Variants in SLC5A5 observed in about 807,000 individuals in gnomAD.
SLC5A5 encodes the protein sodium/iodide cotransporter.
In SLC5A5, 56 loss-of-function variants were observed where a neutral mutation model predicts 68.6. The ratio of observed to expected loss-of-function variants is 0.82; its 90% CI spans 0.66 to 1.02. The LOEUF (loss-of-function observed/expected upper bound fraction) is 1.02. Among genes scored for constraint, SLC5A5 ranks in the 50% least tolerant of loss-of-function variants. The probability of loss-of-function intolerance (pLI) is 0.00; values close to 1 mark genes in which losing one functional copy is unlikely to be tolerated. For missense variants in SLC5A5, 807 were observed against 859.8 expected (o/e 0.94, Z 0.77); for synonymous variants, 398 against 373.0 (o/e 1.07, Z -0.77).
chr19:17,871,999 G>A lies in SLC5A5; in HGVS notation c.-321G>A. ...CTGTCAGCGCTGAGCACAGCGCCCAGGGAGAGGGACAGACAGCCGGCTGCA... is the reference window on the plus strand; with the variant it reads ...CTGTCAGCGCTGAGCACAGCGCCCAAGGAGAGGGACAGACAGCCGGCTGCA... On this transcript the variant is annotated 5_prime_UTR_variant, in exon 1 of 15. Transcript: ENST00000222248. 3 of 387,450 alleles carry A rather than the reference G, an allele frequency of 7.7e-6. No individual in the cohort carries two copies. The South Asian group carries it at 8.8e-5, about 11-fold the overall frequency. 24.0% of individuals were successfully genotyped at this position (387,450 alleles called of 1,614,324 possible).
chr19:17,882,018 C>T lies in SLC5A5; in HGVS notation c.1117C>T (p.Pro373Ser). Residue 373 changes from proline to serine, a missense_variant, in exon 9 of 15, where the codon CCT (proline) becomes TCT (serine). Transcript: ENST00000222248. Reference sequence around the variant, plus strand: ...AGTCACTGTAGAAGACCTCATCAAACCTCGGCTGCGGAGCCTGGCACCCAG... The same window carrying T: ...AGTCACTGTAGAAGACCTCATCAAATCTCGGCTGCGGAGCCTGGCACCCAG... ...AAVTVEDLIK[P>S]RLRSLAPRKL... The T allele has an allele frequency of 1.2e-6, 2 of 1,614,232 alleles. No individual in the cohort carries two copies. The highest frequency in any genetic ancestry group is 1.7e-6 in the Non-Finnish European group (2 of 1,180,044).
At position 17,872,642 on chromosome 19, in the gene SLC5A5, T is replaced by C; in HGVS notation, c.323T>C (p.Val108Ala). 1 of 1,609,144 alleles carries C rather than the reference T, an allele frequency of 6.2e-7. No homozygotes were observed. The highest frequency in any genetic ancestry group is 8.5e-7 in the Non-Finnish European group (1 of 1,178,276). ...SVLTALLFMPVFYRLGLTSTY... is the reference protein window; with the variant it reads ...SVLTALLFMPAFYRLGLTSTY... ...CTCACCGCCCTGCTCTTCATGCCCG[T>C]CTTCTACCGCCTGGGCCTCACCAGC... The change falls in exon 1 of 15, where the codon GTC becomes GCC. Residue 108 changes from valine to alanine, a missense_variant. Coordinates refer to ENST00000222248, the MANE Select transcript of SLC5A5 (RefSeq NM_000453.3).
Position 17,894,152 on chromosome 19 carries a change from T to TC in SLC5A5, c.*275_*276insC. On this transcript the variant is annotated 3_prime_UTR_variant, in exon 15 of 15. Coordinates refer to ENST00000222248, the MANE Select transcript of SLC5A5 (RefSeq NM_000453.3). The stretch of plus-strand genomic sequence containing the variant: ...GGGTTTTTCTCTCTCTCTTTTTTTT[T>TC]TTTTTTTTTTTTTGAGACAGGGTCA... 6 of 395,708 alleles carry TC rather than the reference T, an allele frequency of 1.5e-5. No homozygotes were observed. The highest frequency in any genetic ancestry group is 1.4e-5 in the Non-Finnish European group (3 of 215,426). The allele number at this position is 395,708 out of a possible 1,614,324, so 24.5% of individuals were successfully genotyped here.
Position 17,894,191 on chromosome 19 carries a change from A to G in SLC5A5, c.*314A>G, listed in dbSNP as rs950741017. The G allele has an allele frequency of 1.3e-5, 4 of 306,216 alleles. No homozygotes were observed. Among genetic ancestry groups the G allele is most frequent in the African/African-American group, 2.8e-5 (1 of 36,056 alleles). The allele number at this position is 306,216 out of a possible 1,614,324, so 19.0% of individuals were successfully genotyped here. A position where few individuals can be genotyped will look rare whatever the true frequency, so the allele number is the denominator to read the frequency against. On this transcript the variant is annotated 3_prime_UTR_variant, in exon 15 of 15. Transcript: ENST00000222248. ...GAGACAGGGTCATGCTCTGTCACCC[A>G]GGCTGGAGTGCAGTGGTGTGATCTC...
chr19:17,884,333 T>C (rs2094328570), intron 12 of SLC5A5, among the ~76,000 whole-genome samples: 1 of 152,142 alleles, frequency 6.6e-6, no homozygotes, highest in African/African-American at 2.4e-5. Flanking sequence ...AGCCTCGCTC[T>C]GTGGTCCAGG....
intron 12 of SLC5A5, among the ~76,000 whole-genome samples, chr19:17,887,997 C>T (rs1423015836): frequency 9.9e-5 from 15 of 152,092 alleles, no homozygotes; most frequent in Admixed American, 9.8e-4. Flanking sequence ...ATTGCAGTCA[C>T]GAAGATTCCC....
chr19:17,878,774 G>A (rs553051519), intron 7 of SLC5A5, among the ~76,000 whole-genome samples: 4 of 151,852 alleles, frequency 2.6e-5, no homozygotes, highest in South Asian at 2.1e-4. Context: ...TTAGAAGTTC[G>A]AAACCAACCT....
At chr19:17,876,644 A>G (rs957282254) in intron 5 of SLC5A5, among the ~76,000 whole-genome samples, 1 of 152,142 alleles carries the variant, frequency 6.6e-6, no homozygotes, top group Non-Finnish European at 1.5e-5. Context: ...ATGGCAGATC[A>G]TGAGGTCAAG....
intron 12 of SLC5A5, 92 bp from the exon 13 acceptor site, chr19:17,888,239 G>A: frequency 6.7e-7 from 1 of 1,502,370 alleles, no homozygotes; most frequent in Non-Finnish European, 9.2e-7. Context: ...ATGGCAGTTG[G>A]GGGAAGGAAG....
chr19:17,884,077 G>A (rs1177536805), intron 12 of SLC5A5, 31 bp downstream of exon 12: 2 of 1,512,962 alleles, frequency 1.3e-6, no homozygotes, highest in East Asian at 2.4e-5. Context: ...GGGGGTACCC[G>A]AGCCCTGGAT....
chr19:17,875,587 A>AG (rs1308126089), intron 4 of SLC5A5, among the ~76,000 whole-genome samples: 1 of 145,012 alleles, frequency 6.9e-6, no homozygotes, highest in South Asian at 2.3e-4. Flanking sequence ...ACATAGTGAG[A>AG]CCCCCCCCCG....
At chr19:17,877,628 TC>T in intron 5 of SLC5A5, 94 bp from the exon 6 acceptor site, 1 of 1,495,062 alleles carries the variant, frequency 6.7e-7, no homozygotes, top group South Asian at 1.2e-5. Flanking sequence ...ACTCCAAATG[TC>T]CCCTATAAGG....
At chr19:17,874,279 AAGACCCCGCCC>A (rs2094301364) in intron 2 of SLC5A5, 76 bp downstream of exon 2, 2 of 1,025,398 alleles carry the variant, frequency 2.0e-6, no homozygotes, top group Non-Finnish European at 1.5e-6. Context: ...CCCACCATTC[AAGACCCCGCCC>A]AGACCCCGCC....
chr19:17,880,521 CT>C (rs2094318245), intron 7 of SLC5A5, among the ~76,000 whole-genome samples: 1 of 152,016 alleles, frequency 6.6e-6, no homozygotes, highest in Non-Finnish European at 1.5e-5. Flanking sequence ...GGCCAGACCC[CT>C]ATCTTTACAC....
At chr19:17,892,376 C>T (rs112392837) in intron 14 of SLC5A5, among the ~76,000 whole-genome samples, 3,344 of 152,036 alleles carry the variant, frequency 0.022, 109 homozygotes, top group African/African-American at 0.074. Flanking sequence ...TGGCTCACCC[C>T]TGTAATCCCA....
At chr19:17,879,025 G>A (rs1259198525) in intron 7 of SLC5A5, among the ~76,000 whole-genome samples, 1 of 150,262 alleles carries the variant, frequency 6.7e-6, no homozygotes, top group Non-Finnish European at 1.5e-5. Context: ...GGGCGCGGTG[G>A]CTTACGCCTA....
At chr19:17,876,768 A>T (rs533713314) in intron 5 of SLC5A5, among the ~76,000 whole-genome samples, 2 of 152,160 alleles carry the variant, frequency 1.3e-5, no homozygotes, top group Admixed American at 1.3e-4. Context: ...AGGCTGAGGC[A>T]GGAGAATTGC....
chr19:17,875,596 C>T (rs549630161), intron 4 of SLC5A5, among the ~76,000 whole-genome samples: 34 of 130,700 alleles, frequency 2.6e-4, no homozygotes, highest in African/African-American at 8.9e-4. Flanking sequence ...GACCCCCCCC[C>T]GCCCCCATCT....
intron 7 of SLC5A5, among the ~76,000 whole-genome samples, chr19:17,880,183 G>T (rs953065513): frequency 2.0e-5 from 3 of 151,244 alleles, no homozygotes; most frequent in Admixed American, 6.6e-5. Context: ...TTACAGGCAT[G>T]AGCCACTGTG....
Sources: allele counts gnomAD v4.1 joint callset (sites outside exome capture counted in the v4.1 genomes callset), GRCh38; gene constraint gnomAD v4.1.1; transcripts MANE v1.5; gene names NCBI Gene and HGNC (gene_info 2026-07-23, HGNC 2026-07-21).